NAV2: variants seen among roughly 807,000 people sequenced by gnomAD.
NAV2 encodes neuron navigator 2.
A neutral mutation model predicts 223.2 loss-of-function variants in NAV2; 54 were observed. That is an observed-to-expected ratio of 0.24 (90% CI 0.19 to 0.30). The LOEUF (loss-of-function observed/expected upper bound fraction) is 0.30, where lower values mean the gene tolerates loss of function less well. NAV2 is among the 10% of genes least tolerant of loss of function. The pLI is 1.00. For synonymous variants in NAV2, 1,279 were observed against 1,239.3 expected (o/e 1.03, Z -0.67); for missense variants, 2,806 against 3,147.5 (o/e 0.89, Z 2.60).
upstream of NAV2, among the ~76,000 whole-genome samples, chr11:19,348,828 A>G (rs906752514): frequency 6.6e-6 from 1 of 152,232 alleles, no homozygotes; most frequent in African/African-American, 2.4e-5. Context: ...TCACACAAGA[A>G]GCTGCAGTGT....
intron 1 of NAV2, among the ~76,000 whole-genome samples, chr11:19,737,321 T>C (rs1320462654): frequency 1.3e-5 from 2 of 152,250 alleles, no homozygotes; most frequent in Non-Finnish European, 2.9e-5. Context: ...ACCGTCTATA[T>C]ACCAGTTACA....
At chr11:19,478,843 A>G (rs1222546819) in intron 1 of NAV2, among the ~76,000 whole-genome samples, 1 of 152,216 alleles carries the variant, frequency 6.6e-6, no homozygotes, top group Admixed American at 6.5e-5. Context: ...TGATGCAAAT[A>G]CAATGTCTAT....
chr11:19,999,762 C>T (rs1409653930), intron 11 of NAV2, among the ~76,000 whole-genome samples: 1 of 152,190 alleles, frequency 6.6e-6, no homozygotes, highest in Non-Finnish European at 1.5e-5. Context: ...CCTGAGCCCC[C>T]ATGTCTTCAT....
At chr11:19,842,214 G>C (rs888984452) in intron 2 of NAV2, among the ~76,000 whole-genome samples, 1 of 152,154 alleles carries the variant, frequency 6.6e-6, no homozygotes, top group Non-Finnish European at 1.5e-5. Context: ...CTTTGTATTA[G>C]TACTTGATTT....
intron 1 of NAV2, among the ~76,000 whole-genome samples, chr11:19,502,331 G>T (rs962516321): frequency 6.6e-6 from 1 of 152,160 alleles, no homozygotes; most frequent in African/African-American, 2.4e-5. Context: ...TCATAGGCTT[G>T]TTCTGAGGAT....
intron 1 of NAV2, among the ~76,000 whole-genome samples, chr11:19,674,466 T>G (rs1489822466): frequency 6.6e-6 from 1 of 151,896 alleles, no homozygotes; most frequent in East Asian, 1.9e-4. Flanking sequence ...AAGGTCAAAT[T>G]CCCCAAGGGA....
intron 1 of NAV2, among the ~76,000 whole-genome samples, chr11:19,458,310 C>A (rs1208440322): frequency 1.3e-5 from 2 of 152,196 alleles, no homozygotes; most frequent in African/African-American, 4.8e-5. Flanking sequence ...CTCCCAGAGC[C>A]CCTTCCCACA....
chr11:19,832,861 G>T (rs971144578), intron 2 of NAV2, among the ~76,000 whole-genome samples: 1 of 152,166 alleles, frequency 6.6e-6, no homozygotes, highest in Non-Finnish European at 1.5e-5. Context: ...GGAAATGCTG[G>T]TGGTTTGGGG....
chr11:19,432,140 G>A (rs952233865), intron 1 of NAV2, among the ~76,000 whole-genome samples: 1 of 150,882 alleles, frequency 6.6e-6, no homozygotes. Flanking sequence ...GGATGTTGCA[G>A]TGAGCTGAGA....
intron 1 of NAV2, among the ~76,000 whole-genome samples, chr11:19,805,554 A>G (rs2058510201): frequency 6.6e-6 from 1 of 152,174 alleles, no homozygotes; most frequent in Non-Finnish European, 1.5e-5. Flanking sequence ...CCCATTTTCA[A>G]GAGGACATGG....
chr11:19,863,763 TC>T (rs2061930748), intron 3 of NAV2, among the ~76,000 whole-genome samples: 1 of 152,336 alleles, frequency 6.6e-6, no homozygotes, highest in East Asian at 1.9e-4. Context: ...ATTTGTGCTT[TC>T]TTTATTAAAT....
At chr11:19,660,231 GC>G (rs993645631) in intron 1 of NAV2, among the ~76,000 whole-genome samples, 21 of 152,192 alleles carry the variant, frequency 1.4e-4, no homozygotes, top group African/African-American at 4.8e-4. Flanking sequence ...AAACAGGCTT[GC>G]TTTATGCCGA....
At chr11:19,466,984 TACACAC>T (rs3042688) in intron 1 of NAV2, among the ~76,000 whole-genome samples, 368 of 125,182 alleles carry the variant, frequency 2.9e-3, no homozygotes, top group Middle Eastern at 0.016. Flanking sequence ...TCTCTCTCTC[TACACAC>T]ACACACACAC....
At chr11:19,474,229 A>G (rs2042050452) in intron 1 of NAV2, among the ~76,000 whole-genome samples, 1 of 152,192 alleles carries the variant, frequency 6.6e-6, no homozygotes, top group South Asian at 2.1e-4. Flanking sequence ...ATACTTGTAA[A>G]TGTGTCCAAA....
At chr11:19,535,131 G>A (rs1367940035) in intron 1 of NAV2, among the ~76,000 whole-genome samples, 2 of 152,168 alleles carry the variant, frequency 1.3e-5, no homozygotes, top group Non-Finnish European at 2.9e-5. Context: ...GCAAGATTGT[G>A]CAGGCAGGGC....
chr11:19,958,725 G>C (rs543830616), intron 10 of NAV2, among the ~76,000 whole-genome samples: 3 of 152,214 alleles, frequency 2.0e-5, no homozygotes, highest in African/African-American at 7.2e-5. Flanking sequence ...CAGCAGCAGC[G>C]GTGGCACCTT....
At chr11:19,977,386 T>A (rs1176139325) in intron 10 of NAV2, among the ~76,000 whole-genome samples, 1 of 152,230 alleles carries the variant, frequency 6.6e-6, no homozygotes, top group African/African-American at 2.4e-5. Context: ...TTGGTTTTGT[T>A]TCATCTTGTG....
At chr11:19,956,318 C>T (rs1230135980) in intron 10 of NAV2, among the ~76,000 whole-genome samples, 1 of 152,012 alleles carries the variant, frequency 6.6e-6, no homozygotes, top group Admixed American at 6.6e-5. Flanking sequence ...CTAGACGCCA[C>T]AGGTTAAGGG....
At chr11:20,080,342 A>G (rs140158943) in intron 25 of NAV2, 133 bp downstream of exon 25, 174 of 814,710 alleles carry the variant, frequency 2.1e-4, no homozygotes, top group Non-Finnish European at 2.8e-4. Flanking sequence ...GATCCCAGGA[A>G]ATGGTTTGTG....
Sources: gnomAD v4.1 joint callset for allele counts (sites outside exome capture counted in the v4.1 genomes callset) on GRCh38, gnomAD v4.1.1 for gene constraint, MANE v1.5 for transcripts, NCBI Gene and HGNC (gene_info 2026-07-23, HGNC 2026-07-21) for gene names.